The following TTLL7 variants were observed in gnomAD, a reference collection of about 807,000 sequenced individuals.
The protein encoded by TTLL7 is tubulin tyrosine ligase like 7, also known as tubulin polyglutamylase TTLL7.
A neutral mutation model predicts 120.2 loss-of-function variants in TTLL7; 53 were observed. The observed-to-expected ratio is 0.44, with a 90% CI of 0.35 to 0.55. The LOEUF is 0.55. Among genes scored for constraint, TTLL7 ranks in the 20% least tolerant of loss-of-function variants. The pLI is 0.00. For missense variants in TTLL7, 803 were observed against 1,054.7 expected, an observed-to-expected ratio of 0.76 and a Z score of 3.31; for synonymous variants, 353 against 351.7, an observed-to-expected ratio of 1.00 and a Z score of -0.04.
intron 8 of TTLL7, among the ~76,000 whole-genome samples, chr1:83,936,497 T>A (rs960712377): frequency 2.0e-5 from 3 of 152,240 alleles, no homozygotes; most frequent in Non-Finnish European, 4.4e-5. Context: ...TTTTACCATT[T>A]TGATGCTTCT....
intron 1 of TTLL7, among the ~76,000 whole-genome samples, chr1:83,969,981 A>C (rs1650827562): frequency 6.6e-6 from 1 of 152,060 alleles, no homozygotes; most frequent in Non-Finnish European, 1.5e-5. Context: ...TTAGGATATT[A>C]TATTCACTGT....
At chr1:83,902,339 G>A (rs1656791792) in intron 18 of TTLL7, 2 of 151,726 alleles carry the variant, frequency 1.3e-5, no homozygotes, top group Non-Finnish European at 2.9e-5. Flanking sequence ...CCTTGAAAAA[G>A]TGCCTGTAGT....
rs138340708 is a variant in TTLL7 at position 83,917,619 on chromosome 1, C to A, written c.1572G>T (p.Lys524Asn). The A allele has an allele frequency of 8.1e-4, 1,310 of 1,612,680 alleles. 4 individuals carry two copies. Among genetic ancestry groups the A allele is most frequent in the Middle Eastern group, 3.1e-3 (19 of 6,056 alleles). The change falls in exon 14 of 21, where the codon AAG becomes AAT. Residue 524 changes from lysine (K) to asparagine (N), a missense_variant. Around this residue, in one of 3 missense-constraint regions of TTLL7, gnomAD observed 388 missense variants for 450.4 expected, o/e 0.86. Transcript: ENST00000260505. The part of the protein sequence containing the change: ...DDEKLMGKTT[K>N]TRGPKPLCSM... Reference sequence around the variant, plus strand: ...TATACTGCACCTTTGGTCCTCGAGTCTTGGTAGTTTTTCCCATCAACTTTT... The same window carrying A: ...TATACTGCACCTTTGGTCCTCGAGTATTGGTAGTTTTTCCCATCAACTTTT...
intron 19 of TTLL7, 78 bp from the exon 20 acceptor site, chr1:83,883,214 C>A: frequency 8.5e-7 from 1 of 1,173,504 alleles, no homozygotes; most frequent in Non-Finnish European, 1.2e-6. Flanking sequence ...TCCCTAGCAA[C>A]AAACCAATAA....
intron 20 of TTLL7, among the ~76,000 whole-genome samples, chr1:83,873,497 G>C (rs1183214292): frequency 6.6e-6 from 1 of 152,082 alleles, no homozygotes; most frequent in Non-Finnish European, 1.5e-5. Flanking sequence ...AATGGGAAAA[G>C]TTTACAGCTT....
At position 83,919,838 on chromosome 1, in the gene TTLL7, C is replaced by G. The variant is rs534603978; in HGVS notation, c.1365-4G>C. The G allele has an allele frequency of 6.2e-7, 1 of 1,607,692 alleles. No individual in the cohort carries two copies. Among genetic ancestry groups the G allele is most frequent in the African/African-American group, 1.3e-5 (1 of 74,630 alleles). The stretch of plus-strand genomic sequence containing the variant: ...ATCTTCAGGAGGATAAATTCGTCTA[C>G]AACAAAATCAGATAAACCAATTTTT... On this transcript the variant is annotated splice_polypyrimidine_tract_variant and splice_region_variant and intron_variant, in intron 12 of 20. Transcript: ENST00000260505.
intron 1 of TTLL7, among the ~76,000 whole-genome samples, chr1:83,954,584 A>G (rs1649342740): frequency 6.6e-6 from 1 of 152,208 alleles, no homozygotes; most frequent in African/African-American, 2.4e-5. Flanking sequence ...GCAAAGCAGA[A>G]TTGCCTGAAT....
At chr1:83,985,169 G>A (rs911354211) in intron 1 of TTLL7, among the ~76,000 whole-genome samples, 8 of 152,116 alleles carry the variant, frequency 5.3e-5, no homozygotes, top group East Asian at 1.9e-4. Context: ...GTCTGAGTCC[G>A]AAAGCTTCAA....
At chr1:83,899,677 T>C (rs889533333) in intron 18 of TTLL7, among the ~76,000 whole-genome samples, 1 of 151,776 alleles carries the variant, frequency 6.6e-6, no homozygotes, top group African/African-American at 2.4e-5. Flanking sequence ...GTTACACAAA[T>C]ACATCGCAAG....
At chr1:83,926,936 T>G (rs1187872523) in intron 10 of TTLL7, among the ~76,000 whole-genome samples, 1 of 152,126 alleles carries the variant, frequency 6.6e-6, no homozygotes, top group Non-Finnish European at 1.5e-5. Context: ...AAAAAGAACT[T>G]TTACTTGTTC....
At chr1:83,963,349 C>T (rs560297629) in intron 1 of TTLL7, among the ~76,000 whole-genome samples, 6 of 152,016 alleles carry the variant, frequency 3.9e-5, no homozygotes, top group Admixed American at 6.6e-5. Flanking sequence ...TGAGAGGATA[C>T]ACTACCTGCA....
At chr1:83,931,317 T>G (rs1166719016) in intron 9 of TTLL7, among the ~76,000 whole-genome samples, 1 of 152,086 alleles carries the variant, frequency 6.6e-6, no homozygotes. Context: ...CAAATTAAAG[T>G]ATCCATAATA....
intron 14 of TTLL7, among the ~76,000 whole-genome samples, chr1:83,913,228 C>A (rs1428098773): frequency 6.6e-6 from 1 of 152,048 alleles, no homozygotes; most frequent in Non-Finnish European, 1.5e-5. Flanking sequence ...AACCATACTA[C>A]TTATTTTTTA....
At position 83,921,412 on chromosome 1, in the gene TTLL7, A is replaced by T. The variant is rs1398570011; in HGVS notation, c.1143-18T>A. 2.5e-6 allele frequency: 4 copies of T among 1,608,566 alleles called. No homozygotes were observed. Among genetic ancestry groups the T allele is most frequent in the Non-Finnish European group, 3.4e-6 (4 of 1,178,908 alleles). ...CACTGGTCCTAAAATATAAAACATA[A>T]GACCATATTCTAGAACTCGAACAAG... is the stretch of plus-strand genomic sequence containing the variant. On this transcript the variant is annotated intron_variant, in intron 10 of 20. Transcript: ENST00000260505.
intron 7 of TTLL7, among the ~76,000 whole-genome samples, chr1:83,941,262 T>C (rs778982999): frequency 6.6e-6 from 1 of 152,200 alleles, no homozygotes; most frequent in African/African-American, 2.4e-5. Context: ...GATATTATAA[T>C]TGCTTATTTT....
chr1:83,981,156 TCAA>T (rs1298914806), intron 1 of TTLL7: 1 of 151,572 alleles, frequency 6.6e-6, no homozygotes, highest in Non-Finnish European at 1.5e-5. Context: ...ACTTGATATA[TCAA>T]CAACTACACA....
intron 1 of TTLL7, among the ~76,000 whole-genome samples, chr1:83,955,286 T>C (rs1207579403): frequency 6.6e-6 from 1 of 152,208 alleles, no homozygotes; most frequent in Non-Finnish European, 1.5e-5. Flanking sequence ...CCTAGAATAG[T>C]GCCTGACCAT....
chr1:83,947,327 G>A (rs1381396643), intron 5 of TTLL7, 45 bp from the exon 6 acceptor site: 5 of 1,522,738 alleles, frequency 3.3e-6, no homozygotes, highest in Non-Finnish European at 4.4e-6. Flanking sequence ...ATTCAAACTA[G>A]CATATATTTT....
At chr1:83,986,153 C>T (rs1187675628) in intron 1 of TTLL7, among the ~76,000 whole-genome samples, 1 of 152,080 alleles carries the variant, frequency 6.6e-6, no homozygotes, top group Non-Finnish European at 1.5e-5. Context: ...ATGCAAAAAT[C>T]CTTAAAATTT....
Sources: allele counts gnomAD v4.1 joint callset (sites outside exome capture counted in the v4.1 genomes callset), GRCh38; gene constraint gnomAD v4.1.1; regional missense constraint gnomAD v4.1.1; transcripts MANE v1.5; gene names NCBI Gene and HGNC (gene_info 2026-07-23, HGNC 2026-07-21).